Variants in MYH10 observed in about 807,000 individuals in gnomAD.
MYH10 encodes the protein myosin-10.
A neutral mutation model predicts 257.8 loss-of-function variants in MYH10; 55 were observed. That is an observed-to-expected ratio of 0.21 (90% CI 0.17 to 0.27). The LOEUF (loss-of-function observed/expected upper bound fraction) is 0.27, where lower values mean the gene tolerates loss of function less well. Among genes scored for constraint, MYH10 ranks in the 10% least tolerant of loss-of-function variants. The pLI is 1.00. For missense variants in MYH10, 1,631 were observed against 2,500.6 expected (o/e 0.65, Z 7.42); for synonymous variants, 854 against 921.7 (o/e 0.93, Z 1.33).
Position 8,589,674 on chromosome 17 carries a change from A to T in MYH10, c.503-566T>A, listed in dbSNP as rs992874064. Among the ~76,000 whole-genome samples the T allele has an allele frequency of 2.0e-5, 3 of 152,220 alleles. No individual in the cohort carries two copies. In the South Asian group the frequency reaches 6.2e-4, roughly 32 times the overall value. On this transcript the variant is annotated intron_variant, in intron 3 of 42. Coordinates refer to ENST00000360416, the MANE Select transcript of MYH10 (RefSeq NM_001256012.3). ...TGGAAAGAAAGTTGAAGGAGGATAA[A>T]CATCTATAAATATAGTCTCAAGTCA...
In MYH10 at chr17:8,477,167, A is replaced by ATC; in HGVS notation, c.5707-120_5707-119insGA. The ATC allele has an allele frequency of 2.4e-5, 26 of 1,071,806 alleles. No homozygotes were observed. Among genetic ancestry groups the ATC allele is most frequent in the South Asian group, 3.2e-5 (2 of 63,414 alleles). The allele number at this position is 1,071,806 out of a possible 1,614,324, so 66.4% of individuals were successfully genotyped here. A position where few individuals can be genotyped will look rare whatever the true frequency, so the allele number is the denominator to read the frequency against. On this transcript the variant is annotated intron_variant, in intron 41 of 42. Coordinates refer to ENST00000360416, the MANE Select transcript of MYH10 (RefSeq NM_001256012.3). The surrounding 1 kb of genome is among the most constrained non-coding windows in gnomAD (Gnocchi z 4.2). ...GTTACCCTTGTGAGCACGCGTGTAC[A>ATC]CGGATGTACACGCGTGCCTGGGGGC...
At position 8,548,874 on chromosome 17, in the gene MYH10, C is replaced by A. The variant is rs2082529964; in HGVS notation, c.920-87G>T. On this transcript the variant is annotated intron_variant, in intron 9 of 42. Transcript: ENST00000360416. The stretch of plus-strand genomic sequence containing the variant: ...CTGCATTCAAACTGTGCCAGTGTCA[C>A]AGGAGAGCAGTGGTCACCATGCAAC... The A allele has an allele frequency of 2.3e-5, 27 of 1,178,110 alleles. No homozygotes were observed. In the South Asian group the frequency reaches 3.7e-4, roughly 16 times the overall value. The allele number at this position is 1,178,110 out of a possible 1,614,324, so 73.0% of individuals were successfully genotyped here.
intron 32 of MYH10, among the ~76,000 whole-genome samples, chr17:8,493,525 C>T (rs16957357): frequency 0.012 from 1,865 of 152,256 alleles, 33 homozygotes; most frequent in African/African-American, 0.042. Flanking sequence ...AATCTTACAT[C>T]GTTGACACAG....
chr17:8,623,997 C>A (rs184105731), intron 1 of MYH10, among the ~76,000 whole-genome samples: 104 of 152,286 alleles, frequency 6.8e-4, no homozygotes, highest in African/African-American at 2.4e-3. Context: ...CCGGATCTCT[C>A]GCCTAAACAG....
chr17:8,507,304 T>G (rs903846702), intron 26 of MYH10, among the ~76,000 whole-genome samples: 4 of 152,178 alleles, frequency 2.6e-5, no homozygotes, highest in African/African-American at 9.7e-5. Flanking sequence ...GCCAACCCCA[T>G]CGTCTTCCTA....
chr17:8,484,416 C>T (rs57969772), intron 36 of MYH10, 150 bp from the exon 37 acceptor site: 94 of 623,932 alleles, frequency 1.5e-4, no homozygotes, highest in East Asian at 1.4e-3. Context: ...GTGTGAGCTG[C>T]GGTGCCTGGC....
chr17:8,614,173 C>T (rs2085153245), intron 2 of MYH10, among the ~76,000 whole-genome samples: 1 of 152,006 alleles, frequency 6.6e-6, no homozygotes, highest in Non-Finnish European at 1.5e-5. Flanking sequence ...ACATAACGAA[C>T]CATAAAGCAA....
At chr17:8,515,601 G>A (rs913780224) in intron 21 of MYH10, among the ~76,000 whole-genome samples, 8 of 133,808 alleles carry the variant, frequency 6.0e-5, no homozygotes, top group African/African-American at 2.0e-4. Flanking sequence ...GGAGTGCAGT[G>A]GTGCAATCTT....
intron 3 of MYH10, among the ~76,000 whole-genome samples, chr17:8,601,394 T>A (rs1429444063): frequency 6.6e-6 from 1 of 152,244 alleles, no homozygotes; most frequent in Non-Finnish European, 1.5e-5. Context: ...TCCCTTTCCA[T>A]GTCATGTTGC....
chr17:8,545,703 A>G lies in MYH10; in HGVS notation c.1279-103T>C. On this transcript the variant is annotated intron_variant, in intron 12 of 42. Transcript: ENST00000360416. This position sits in a 1 kb window ranked among gnomAD's most constrained non-coding sequence, Gnocchi z 4.7. ...TGTTATACAGCACTCAAAAAACCTGAGATGGCATTCACTGCTTAATCATGT... is the reference window on the plus strand; with the variant it reads ...TGTTATACAGCACTCAAAAAACCTGGGATGGCATTCACTGCTTAATCATGT... The G allele has an allele frequency of 1.8e-6, 2 of 1,140,634 alleles. No homozygotes were observed. 70.7% of individuals were successfully genotyped at this position (1,140,634 alleles called of 1,614,324 possible).
rs900096165 is a variant in MYH10 at position 8,548,197 on chromosome 17, C to T, written c.1159+116G>A. 7.3e-6 allele frequency: 5 copies of T among 686,492 alleles called. No homozygotes were observed. In the African/African-American group the frequency reaches 9.1e-5, roughly 12 times the overall value. The allele number at this position is 686,492 out of a possible 1,614,324, so 42.5% of individuals were successfully genotyped here. Reference sequence around the variant, plus strand: ...GTAAATACACGATGTTGTCACTCTACTCAAGGGTCCCTTCAGAAATGCTTC... The same window carrying T: ...GTAAATACACGATGTTGTCACTCTATTCAAGGGTCCCTTCAGAAATGCTTC... On this transcript the variant is annotated intron_variant, in intron 11 of 42. Coordinates refer to ENST00000360416, the MANE Select transcript of MYH10 (RefSeq NM_001256012.3).
intron 7 of MYH10, among the ~76,000 whole-genome samples, chr17:8,558,039 T>C (rs1567897930): frequency 6.6e-6 from 1 of 152,236 alleles, no homozygotes; most frequent in East Asian, 1.9e-4. Context: ...GAGCATTTAG[T>C]ATTTTTCTTC....
At chr17:8,591,018 GC>G (rs371583426) in intron 3 of MYH10, among the ~76,000 whole-genome samples, 3,331 of 151,324 alleles carry the variant, frequency 0.022, 127 homozygotes, top group African/African-American at 0.075. Flanking sequence ...GACTACAGGC[GC>G]CCGCCACCAC....
chr17:8,516,977 A>G (rs1393173664), intron 21 of MYH10, among the ~76,000 whole-genome samples: 10 of 151,794 alleles, frequency 6.6e-5, no homozygotes, highest in African/African-American at 2.4e-4. Flanking sequence ...TCTCTACTAA[A>G]AAAAATACAA....
chr17:8,529,823 T>C (rs1340326973), intron 17 of MYH10, among the ~76,000 whole-genome samples: 1 of 152,244 alleles, frequency 6.6e-6, no homozygotes, highest in African/African-American at 2.4e-5. Flanking sequence ...GTTTCGCTAC[T>C]TGCCAGTTTC....
intron 1 of MYH10, among the ~76,000 whole-genome samples, chr17:8,628,825 C>G (rs1391992224): frequency 6.6e-6 from 1 of 152,204 alleles, no homozygotes; most frequent in Non-Finnish European, 1.5e-5. Flanking sequence ...ACAACGTGCC[C>G]TTCAAGATTT....
At chr17:8,476,236 C>T in intron 42 of MYH10, among the ~76,000 whole-genome samples, 1 of 152,232 alleles carries the variant, frequency 6.6e-6, no homozygotes, top group East Asian at 1.9e-4. Flanking sequence ...AGGCCAAGCT[C>T]TACCTGCTAA....
chr17:8,578,803 C>T (rs2083594701), intron 4 of MYH10, among the ~76,000 whole-genome samples: 1 of 152,028 alleles, frequency 6.6e-6, no homozygotes, highest in African/African-American at 2.4e-5. Context: ...TTACAGTCAA[C>T]AAAATTCTCA....
chr17:8,483,122 A>G (rs1914137239), intron 37 of MYH10, among the ~76,000 whole-genome samples: 1 of 152,216 alleles, frequency 6.6e-6, no homozygotes, highest in African/African-American at 2.4e-5. Flanking sequence ...TATTCACAGG[A>G]TGAAGAAGAA....
Sources: allele counts gnomAD v4.1 joint callset (sites outside exome capture counted in the v4.1 genomes callset), GRCh38; gene constraint gnomAD v4.1.1; non-coding constraint Gnocchi (gnomAD v3.1); transcripts MANE v1.5; gene names NCBI Gene and HGNC (gene_info 2026-07-23, HGNC 2026-07-21).